SEZ6: variants seen among roughly 807,000 people sequenced by gnomAD.
The protein encoded by SEZ6 is seizure protein 6 homolog.
SEZ6 carries 53 observed loss-of-function variants against 101.0 expected under a neutral mutation model. The ratio of observed to expected loss-of-function variants is 0.52; its 90% CI spans 0.42 to 0.66. SEZ6 has a LOEUF of 0.66. Ranked by LOEUF, SEZ6 falls within the 30% of genes least tolerant of loss-of-function variation. SEZ6 has a pLI of 0.00. For synonymous variants in SEZ6, 488 were observed against 512.2 expected (o/e 0.95, Z 0.64); for missense variants, 1,102 against 1,289.4 (o/e 0.85, Z 2.23).
chr17:28,979,363 C>T (rs1030117361), intron 3 of SEZ6, among the ~76,000 whole-genome samples: 2 of 152,166 alleles, frequency 1.3e-5, no homozygotes, highest in African/African-American at 4.8e-5. Flanking sequence ...AGTGAAGCTC[C>T]ATGACTCTCT....
At chr17:28,992,230 G>A (rs1017269169) in intron 1 of SEZ6, among the ~76,000 whole-genome samples, 1 of 152,192 alleles carries the variant, frequency 6.6e-6, no homozygotes, top group South Asian at 2.1e-4. Flanking sequence ...AGGCTGAGAG[G>A]CAAAGTGAAT....
intron 16 of SEZ6, 81 bp downstream of exon 16, chr17:28,956,078 G>C (rs1263174784): frequency 1.3e-6 from 2 of 1,596,364 alleles, no homozygotes; most frequent in Non-Finnish European, 1.7e-6. Context: ...AGAGGGCTTG[G>C]CAGGACCCTC....
chr17:28,957,255 C>T lies in SEZ6; in HGVS notation c.2495-13G>A. On this transcript the variant is annotated splice_polypyrimidine_tract_variant and intron_variant, in intron 12 of 16. Coordinates refer to ENST00000317338, the MANE Select transcript of SEZ6 (RefSeq NM_178860.5). ...TTGAGCTGTTCCACTACAAAGCAGG[C>T]AGAGTGCAGTGAGGGTGTCATGCCC... 1 of 1,613,966 alleles carries T rather than the reference C, an allele frequency of 6.2e-7. No homozygotes were observed. The highest frequency in any genetic ancestry group is 8.5e-7 in the Non-Finnish European group (1 of 1,179,842).
chr17:28,958,277 C>G (rs2152683244), intron 10 of SEZ6, 136 bp from the exon 11 acceptor site: 1 of 986,132 alleles, frequency 1.0e-6, no homozygotes, highest in East Asian at 2.6e-5. Flanking sequence ...GGATCCATTC[C>G]TCCCTGCTCA....
At chr17:28,988,319 C>G (rs1482682908) in intron 1 of SEZ6, among the ~76,000 whole-genome samples, 1 of 152,172 alleles carries the variant, frequency 6.6e-6, no homozygotes, top group Non-Finnish European at 1.5e-5. Context: ...GCTTGTGTCC[C>G]TGGGCAAGGA....
At chr17:28,965,566 G>A (rs574354637) in intron 4 of SEZ6, among the ~76,000 whole-genome samples, 1 of 151,432 alleles carries the variant, frequency 6.6e-6, no homozygotes, top group South Asian at 2.1e-4. Flanking sequence ...TTGAGCCTAG[G>A]AGTTTAAGGC....
rs374624536 is a variant in SEZ6 at position 28,970,547 on chromosome 17, T to C, written c.859-595A>G. Among the ~76,000 whole-genome samples, 8 of 152,272 alleles carry C rather than the reference T, an allele frequency of 5.3e-5. No homozygotes were observed. In the East Asian group the frequency reaches 7.7e-4, roughly 15 times the overall value. On this transcript the variant is annotated intron_variant, in intron 3 of 16. Transcript: ENST00000317338. ...TGCCTCCTCCCTCATACCTGGTCAGTCATTCAGTCCTGTCAACTGGATCTC... is the reference window on the plus strand; with the variant it reads ...TGCCTCCTCCCTCATACCTGGTCAGCCATTCAGTCCTGTCAACTGGATCTC...
Position 28,955,313 on chromosome 17 carries a change from A to G in SEZ6, c.*649T>C. 4.0e-6 allele frequency: 1 copy of G among 247,414 alleles called. No homozygotes were observed. The highest frequency in any genetic ancestry group is 8.1e-6 in the Non-Finnish European group (1 of 122,910). 15.3% of individuals were successfully genotyped at this position (247,414 alleles called of 1,614,324 possible). A position where few individuals can be genotyped will look rare whatever the true frequency, so the allele number is the denominator to read the frequency against. On this transcript the variant is annotated 3_prime_UTR_variant, in exon 17 of 17. Coordinates refer to ENST00000317338, the MANE Select transcript of SEZ6 (RefSeq NM_178860.5). ...GGCGTGTCCTGCTTTGGTGTGGAGC[A>G]TGAGTGCCCAGGGAAGCCCAACCTG...
chr17:28,989,476 G>A (rs1024499066), intron 1 of SEZ6, among the ~76,000 whole-genome samples: 2 of 152,154 alleles, frequency 1.3e-5, no homozygotes, highest in Non-Finnish European at 2.9e-5. Flanking sequence ...GCCTAGAGCA[G>A]CCCTGTCCAA....
chr17:28,998,158 G>A (rs2041568080), intron 1 of SEZ6, among the ~76,000 whole-genome samples: 2 of 152,152 alleles, frequency 1.3e-5, no homozygotes, highest in South Asian at 4.2e-4. Flanking sequence ...GAAGTTGAGG[G>A]GAGAAGGGTC....
Position 28,981,778 on chromosome 17 carries a change from GGACTTGGGGT to G in SEZ6, c.307_316del (p.Thr103ProfsTer61), listed in dbSNP as rs1409039037. 2 of 1,612,782 alleles carry G rather than the reference GGACTTGGGGT, an allele frequency of 1.2e-6. No individual in the cohort carries two copies. Among genetic ancestry groups the G allele is most frequent in the Admixed American group, 3.3e-5 (2 of 59,978 alleles). On this transcript the variant is annotated frameshift_variant, in exon 2 of 17. Coordinates refer to ENST00000317338, the MANE Select transcript of SEZ6 (RefSeq NM_178860.5). LOFTEE classifies it high-confidence loss of function. ...GTCCTGGTTGGCCAGGCGGGGAAGG[GGACTTGGGGT>G]GAAGGGTGCAGGTGGGTCAGGCTGG...
chr17:28,974,117 C>G (rs2041189345), intron 3 of SEZ6, among the ~76,000 whole-genome samples: 1 of 152,212 alleles, frequency 6.6e-6, no homozygotes, highest in Non-Finnish European at 1.5e-5. Context: ...CCAGCACGTG[C>G]CCTAATGGCG....
At position 29,005,802 on chromosome 17, in the gene SEZ6, CG is replaced by C; in HGVS notation, c.55+12del. 6 of 1,483,862 alleles carry C rather than the reference CG, an allele frequency of 4.0e-6. No homozygotes were observed. Among genetic ancestry groups the C allele is most frequent in the Middle Eastern group, 2.2e-4 (1 of 4,502 alleles). The allele number at this position is 1,483,862 out of a possible 1,614,324, so 91.9% of individuals were successfully genotyped here. A position where few individuals can be genotyped will look rare whatever the true frequency, so the allele number is the denominator to read the frequency against. On this transcript the variant is annotated intron_variant, in intron 1 of 16. Transcript: ENST00000317338. The surrounding 1 kb of genome is among the most constrained non-coding windows in gnomAD (Gnocchi z 4.8). ...CCGCCCCCGTCCTGCCGCCGGATGC[CG>C]GGGTCCCTTACCGTGAGCCAGGAGC...
chr17:28,961,593 C>T (rs1459721385), intron 5 of SEZ6, among the ~76,000 whole-genome samples: 1 of 152,224 alleles, frequency 6.6e-6, no homozygotes, highest in Non-Finnish European at 1.5e-5. Context: ...CTACCACTGC[C>T]GTTCCTGGGC....
At chr17:28,979,649 G>A in intron 3 of SEZ6, 31 bp downstream of exon 3, 1 of 1,613,702 alleles carries the variant, frequency 6.2e-7, no homozygotes, top group Non-Finnish European at 8.5e-7. Flanking sequence ...ACCCGCCCCA[G>A]CTTTGCCCTT....
rs1369519152 is a variant in SEZ6 at position 28,956,852 on chromosome 17, G to C, written c.2693-95C>G. 4.1e-6 allele frequency: 6 copies of C among 1,477,202 alleles called. No homozygotes were observed. In the East Asian group the frequency reaches 1.5e-4, roughly 37 times the overall value. The allele number at this position is 1,477,202 out of a possible 1,614,324, so 91.5% of individuals were successfully genotyped here. ...GAGGTAGTGGGATGATCATGGGAAG[G>C]ATTTGTCCAAGGAGAGGCCACTCCA... On this transcript the variant is annotated intron_variant, in intron 13 of 16. Transcript: ENST00000317338.
At chr17:28,980,755 C>T (rs1220121544) in intron 2 of SEZ6, among the ~76,000 whole-genome samples, 6 of 152,312 alleles carry the variant, frequency 3.9e-5, no homozygotes, top group African/African-American at 1.2e-4. Flanking sequence ...CCACCTGCCT[C>T]GGCCTCCCAA....
At chr17:28,969,592 G>A (rs188848744) in intron 4 of SEZ6, among the ~76,000 whole-genome samples, 165 bp downstream of exon 4, 6 of 152,280 alleles carry the variant, frequency 3.9e-5, no homozygotes, top group Admixed American at 6.5e-5. Flanking sequence ...TCAGATACGC[G>A]ATACTTACCT....
intron 1 of SEZ6, among the ~76,000 whole-genome samples, chr17:28,984,501 GT>G (rs1402435364): frequency 6.6e-6 from 1 of 152,204 alleles, no homozygotes; most frequent in African/African-American, 2.4e-5. Context: ...TTCAGGAAGT[GT>G]CCAGGGCAGG....
Sources: gnomAD v4.1 joint callset for allele counts (sites outside exome capture counted in the v4.1 genomes callset) on GRCh38, gnomAD v4.1.1 for gene constraint, Gnocchi (gnomAD v3.1) non-coding constraint, MANE v1.5 for transcripts, NCBI Gene and HGNC (gene_info 2026-07-23, HGNC 2026-07-21) for gene names.